The following PCDH11X variants were observed in gnomAD, a reference collection of about 807,000 sequenced individuals.
The protein encoded by PCDH11X is protocadherin-11 X-linked.
In PCDH11X, 18 loss-of-function variants were observed where a neutral mutation model predicts 53.3. That is an observed-to-expected ratio of 0.34 (90% CI 0.23 to 0.50). The LOEUF is 0.50. Among genes scored for constraint, PCDH11X ranks in the 20% least tolerant of loss-of-function variants. The pLI, the probability that PCDH11X is intolerant of heterozygous loss-of-function variation, is 0.98. For synonymous variants in PCDH11X, 279 were observed against 393.3 expected, an observed-to-expected ratio of 0.71 and a Z score of 3.44; for missense variants, 570 against 1,032.4, an observed-to-expected ratio of 0.55 and a Z score of 6.14.
intron 10 of PCDH11X, among the ~76,000 whole-genome samples, chrX:92,494,240 A>G (rs1006888061): frequency 1.9e-5 from 2 of 107,861 alleles, no homozygotes; most frequent in Admixed American, 2.0e-4. Flanking sequence ...TGTTTAGAAC[A>G]TTTTATTTTA....
intron 9 of PCDH11X, among the ~76,000 whole-genome samples, chrX:92,419,965 C>G (rs1308218512): frequency 9.0e-6 from 1 of 111,100 alleles, no homozygotes. Flanking sequence ...CAGGCGTGAG[C>G]CACCACGCCC....
At chrX:92,098,505 T>G (rs2148130239) in intron 6 of PCDH11X, among the ~76,000 whole-genome samples, 1 of 111,600 alleles carries the variant, frequency 9.0e-6, no homozygotes, top group African/African-American at 3.3e-5. Flanking sequence ...GCTCATCATT[T>G]TGTTCTTCCC....
intron 8 of PCDH11X, among the ~76,000 whole-genome samples, chrX:92,341,807 A>G (rs1175160358): frequency 4.5e-5 from 5 of 111,889 alleles, no homozygotes; most frequent in Non-Finnish European, 9.4e-5. Context: ...TATCCAAACT[A>G]TATCACAACC....
At position 92,068,943 on chromosome X, in the gene PCDH11X, T is replaced by G. The variant is rs563910774; in HGVS notation, c.3034-132432T>G. ...TGATCCATGTGCAGGGGAGAAAAAATGTGCATTCTGTAGCTGTTTGATGAA... is the reference window on the plus strand; with the variant it reads ...TGATCCATGTGCAGGGGAGAAAAAAGGTGCATTCTGTAGCTGTTTGATGAA... On this transcript the variant is annotated intron_variant, in intron 6 of 10. Transcript: ENST00000682573. Among the ~76,000 whole-genome samples, 14 of 111,438 alleles carry G rather than the reference T, an allele frequency of 1.3e-4. No individual in the cohort carries two copies. The South Asian group carries it at 4.6e-3, about 36-fold the overall frequency.
chrX:92,365,519 G>A (rs1334422875), intron 8 of PCDH11X, among the ~76,000 whole-genome samples: 1 of 110,326 alleles, frequency 9.1e-6, no homozygotes, highest in Non-Finnish European at 1.9e-5. Flanking sequence ...TGGGATTACA[G>A]GTGTGAACCA....
At chrX:91,886,921 A>G (rs1309156207) in intron 6 of PCDH11X, among the ~76,000 whole-genome samples, 1 of 103,674 alleles carries the variant, frequency 9.6e-6, no homozygotes, top group Non-Finnish European at 2.0e-5. Flanking sequence ...CAGTGAGCCA[A>G]GATGGCGCCA....
chrX:92,558,844 GTTTAT>G (rs2148759459), intron 10 of PCDH11X, among the ~76,000 whole-genome samples: 1 of 110,911 alleles, frequency 9.0e-6, no homozygotes, highest in East Asian at 2.8e-4. Flanking sequence ...AAGTAATCAT[GTTTAT>G]TTTAAGATAT....
At chrX:92,244,012 C>T (rs1286922226) in intron 7 of PCDH11X, among the ~76,000 whole-genome samples, 6 of 110,487 alleles carry the variant, frequency 5.4e-5, no homozygotes, top group African/African-American at 1.3e-4. Context: ...GCATCCTTAG[C>T]GCTGACAAGG....
At chrX:91,815,371 T>C (rs2147568582) in intron 4 of PCDH11X, among the ~76,000 whole-genome samples, 1 of 111,926 alleles carries the variant, frequency 8.9e-6, no homozygotes, top group South Asian at 3.7e-4. Flanking sequence ...CTACAATGGA[T>C]GTGAAGCCCT....
At chrX:91,948,475 C>T (rs2524684) in intron 6 of PCDH11X, among the ~76,000 whole-genome samples, 1 of 109,626 alleles carries the variant, frequency 9.1e-6, no homozygotes, top group Non-Finnish European at 1.9e-5. Context: ...GTTGCTCTGA[C>T]AATGTACCTT....
chrX:92,129,263 C>T (rs58602978), intron 6 of PCDH11X, among the ~76,000 whole-genome samples: 3,157 of 109,844 alleles, frequency 0.029, 159 homozygotes, highest in African/African-American at 0.1. Flanking sequence ...TGGTGGTGCA[C>T]GCCTGTAATA....
intron 6 of PCDH11X, chrX:91,883,636 T>C: frequency 7.2e-6 from 4 of 554,313 alleles, no homozygotes; most frequent in Non-Finnish European, 8.7e-6. Context: ...AAACCCCATC[T>C]CCACTAAAAA....
chrX:92,326,983 T>C (rs2069352373), intron 8 of PCDH11X, among the ~76,000 whole-genome samples: 1 of 109,534 alleles, frequency 9.1e-6, no homozygotes, highest in South Asian at 4.0e-4. Flanking sequence ...TCTGTGTTAA[T>C]AATCTGAAAA....
chrX:92,522,007 T>C lies in PCDH11X; in HGVS notation c.3367+53685T>C, dbSNP rs1221706184. ...TCTTCTGTTCAGACCACTAAAACTT[T>C]CTCAATATTAGCAGTAAAGCTGTTT... On this transcript the variant is annotated intron_variant, in intron 10 of 10. Transcript: ENST00000682573. Among the ~76,000 whole-genome samples, 11 of 112,382 alleles carry C rather than the reference T, an allele frequency of 9.8e-5. No individual in the cohort carries two copies. The East Asian group carries it at 2.8e-3, about 29-fold the overall frequency.
intron 10 of PCDH11X, among the ~76,000 whole-genome samples, chrX:92,475,163 T>TA (rs2073353613): frequency 1.3e-4 from 1 of 7,750 alleles, no homozygotes; most frequent in Non-Finnish European, 1.8e-4. Context: ...AGACTCCGTC[T>TA]CAAAAAAAAA....
intron 7 of PCDH11X, among the ~76,000 whole-genome samples, chrX:92,261,010 A>G (rs1195593419): frequency 1.8e-5 from 2 of 111,436 alleles, no homozygotes; most frequent in African/African-American, 6.5e-5. Context: ...AGAGTATAAA[A>G]ATCCATATCT....
At chrX:92,558,981 C>T (rs753495726) in intron 10 of PCDH11X, among the ~76,000 whole-genome samples, 1 of 110,038 alleles carries the variant, frequency 9.1e-6, no homozygotes, top group African/African-American at 3.3e-5. Context: ...AAAATTTAAG[C>T]TATGGGAACA....
intron 5 of PCDH11X, among the ~76,000 whole-genome samples, chrX:91,840,740 AT>A (rs1012175117): frequency 9.1e-6 from 1 of 109,685 alleles, no homozygotes; most frequent in Non-Finnish European, 1.9e-5. Flanking sequence ...AGAAATTAAT[AT>A]TTTTTAACAT....
intron 10 of PCDH11X, among the ~76,000 whole-genome samples, chrX:92,586,764 G>C (rs1602392977): frequency 1.8e-5 from 2 of 111,430 alleles, no homozygotes; most frequent in East Asian, 5.7e-4. Context: ...ATAGATTGAA[G>C]TTATCAGTCT....
Sources: gnomAD v4.1 joint callset for allele counts (sites outside exome capture counted in the v4.1 genomes callset) on GRCh38, gnomAD v4.1.1 for gene constraint, MANE v1.5 for transcripts, NCBI Gene and HGNC (gene_info 2026-07-23, HGNC 2026-07-21) for gene names.